AUTS2: variants seen among roughly 807,000 people sequenced by gnomAD.
AUTS2 encodes activator of transcription and developmental regulator AUTS2, also known as autism susceptibility gene 2 protein.
In AUTS2, 17 loss-of-function variants were observed where a neutral mutation model predicts 112.4. That is an observed-to-expected ratio of 0.15 (90% CI 0.10 to 0.23). The LOEUF is 0.23. Among genes scored for constraint, AUTS2 ranks in the 10% least tolerant of loss-of-function variants. AUTS2 has a pLI of 1.00. For synonymous variants in AUTS2, 751 were observed against 702.7 expected (o/e 1.07, Z -1.09); for missense variants, 1,510 against 1,701.6 (o/e 0.89, Z 1.98).
intron 1 of AUTS2, among the ~76,000 whole-genome samples, chr7:69,678,410 A>G (rs979345307): frequency 6.6e-6 from 1 of 152,150 alleles, no homozygotes; most frequent in East Asian, 1.9e-4. Context: ...AGCAGAATTT[A>G]TATTCTATTT....
rs551254195 is a variant in AUTS2, at chr7:70,278,123, G to A, written c.660+143552G>A. ...AGGTATACCTGTGCACATTACAGAC[G>A]TTTGTGGGTACTTTTATTTCATTAT... On this transcript the variant is annotated intron_variant, in intron 4 of 18. Coordinates refer to ENST00000342771, the MANE Select transcript of AUTS2 (RefSeq NM_015570.4). Among the ~76,000 whole-genome samples, 325 of 152,194 alleles carry A rather than the reference G, an allele frequency of 2.1e-3. 3 individuals are homozygous for A. Among genetic ancestry groups the A allele is most frequent in the Non-Finnish European group, 3.9e-3 (264 of 68,026 alleles).
rs368042458 is a variant in AUTS2, at chr7:70,431,616, C to T, written c.661-4136C>T. Among the ~76,000 whole-genome samples the T allele has an allele frequency of 1.7e-4, 26 of 152,286 alleles. No individual in the cohort carries two copies. In the South Asian group the frequency reaches 5.2e-3, roughly 30 times the overall value. ...GGTCAGGCTGGTCTCAAACTCCTGA[C>T]CTCATGATCCACCCGCCTTCAGCCT... On this transcript the variant is annotated intron_variant, in intron 4 of 18. Coordinates refer to ENST00000342771, the MANE Select transcript of AUTS2 (RefSeq NM_015570.4).
chr7:69,740,818 G>A (rs988407790), intron 1 of AUTS2, among the ~76,000 whole-genome samples: 2 of 152,168 alleles, frequency 1.3e-5, no homozygotes, highest in African/African-American at 4.8e-5. Flanking sequence ...CACTGCGCCC[G>A]GCCAGAAATG....
intron 1 of AUTS2, among the ~76,000 whole-genome samples, chr7:69,659,583 G>GTTTTTTTT (rs58289887): frequency 3.7e-4 from 30 of 81,266 alleles, no homozygotes; most frequent in South Asian, 5.2e-4. Context: ...AGGCTTAGTT[G>GTTTTTTTT]TTTTTTTTTT....
chr7:70,605,648 A>G (rs1803719273), intron 5 of AUTS2, among the ~76,000 whole-genome samples: 1 of 146,000 alleles, frequency 6.8e-6, no homozygotes, highest in African/African-American at 2.5e-5. Context: ...TCTAGTAAGT[A>G]GTGGAAAATC....
At chr7:69,656,586 G>A (rs1795551853) in intron 1 of AUTS2, among the ~76,000 whole-genome samples, 1 of 152,094 alleles carries the variant, frequency 6.6e-6, no homozygotes, top group Non-Finnish European at 1.5e-5. Flanking sequence ...CATAGCATGG[G>A]AATAAAAAGC....
intron 4 of AUTS2, among the ~76,000 whole-genome samples, chr7:70,428,276 T>G (rs17488553): frequency 0.096 from 14,563 of 152,216 alleles, 796 homozygotes; most frequent in Middle Eastern, 0.2. Flanking sequence ...TGTGGATTGA[T>G]GAAAAACAGA....
intron 5 of AUTS2, among the ~76,000 whole-genome samples, chr7:70,632,118 T>A (rs1805294149): frequency 1.3e-5 from 2 of 151,844 alleles, no homozygotes; most frequent in South Asian, 4.2e-4. Flanking sequence ...AATTAGATGG[T>A]CAGTACCCAC....
chr7:69,771,003 C>T (rs1162242942), intron 1 of AUTS2, among the ~76,000 whole-genome samples: 1 of 152,122 alleles, frequency 6.6e-6, no homozygotes, highest in African/African-American at 2.4e-5. Flanking sequence ...TGTGACTTCA[C>T]CCGCCAACTC....
At chr7:70,006,217 C>A (rs1799537985) in intron 2 of AUTS2, among the ~76,000 whole-genome samples, 1 of 152,112 alleles carries the variant, frequency 6.6e-6, no homozygotes, top group Non-Finnish European at 1.5e-5. Flanking sequence ...GTACATTTTT[C>A]TTGAAGGATA....
chr7:70,595,158 T>C (rs1012439412), intron 5 of AUTS2, among the ~76,000 whole-genome samples: 2 of 152,098 alleles, frequency 1.3e-5, no homozygotes, highest in Non-Finnish European at 2.9e-5. Flanking sequence ...AAGCTGGCAC[T>C]GCAGCAACCG....
intron 4 of AUTS2, among the ~76,000 whole-genome samples, chr7:70,248,915 TC>T (rs1252635833): frequency 6.6e-6 from 1 of 152,238 alleles, no homozygotes; most frequent in African/African-American, 2.4e-5. Flanking sequence ...CCACATATTT[TC>T]CCATGTTCTA....
In AUTS2 at chr7:70,456,312, C is replaced by G. The variant is rs201945868; in HGVS notation, c.690+20531C>G. ...ACTTTTACTTTACTTAAAGGGAACT[C>G]TTAAAGAGTGTTTACTTCATATCAT... On this transcript the variant is annotated intron_variant, in intron 5 of 18. Coordinates refer to ENST00000342771, the MANE Select transcript of AUTS2 (RefSeq NM_015570.4). Among the ~76,000 whole-genome samples the G allele has an allele frequency of 5.9e-5, 9 of 152,356 alleles. No homozygotes were observed. The East Asian group carries it at 1.7e-3, about 29-fold the overall frequency.
chr7:70,092,865 A>G (rs1488957577), intron 2 of AUTS2, among the ~76,000 whole-genome samples: 1 of 151,998 alleles, frequency 6.6e-6, no homozygotes, highest in Non-Finnish European at 1.5e-5. Flanking sequence ...CCCCCTCTCC[A>G]TGTCGGCAGA....
At chr7:70,619,208 G>T (rs1238833957) in intron 5 of AUTS2, among the ~76,000 whole-genome samples, 1 of 152,122 alleles carries the variant, frequency 6.6e-6, no homozygotes, top group Non-Finnish European at 1.5e-5. Context: ...CTATGAAATG[G>T]GGCTATCGAC....
intron 4 of AUTS2, among the ~76,000 whole-genome samples, chr7:70,262,421 G>A (rs778831828): frequency 4.6e-5 from 7 of 152,024 alleles, no homozygotes; most frequent in East Asian, 1.9e-4. Context: ...AACTCCTGAC[G>A]TCAAGTGATC....
chr7:70,032,253 G>T (rs544247697), intron 2 of AUTS2, among the ~76,000 whole-genome samples: 6 of 152,000 alleles, frequency 3.9e-5, no homozygotes, highest in Non-Finnish European at 8.8e-5. Context: ...TTCTAACTCC[G>T]CTGTATCATA....
At chr7:70,215,298 A>T (rs980979076) in intron 4 of AUTS2, among the ~76,000 whole-genome samples, 2 of 152,172 alleles carry the variant, frequency 1.3e-5, no homozygotes, top group African/African-American at 4.8e-5. Context: ...ATAAAAATAA[A>T]ACATAGATAC....
intron 14 of AUTS2, among the ~76,000 whole-genome samples, chr7:70,780,883 TAAAC>T (rs927058351): frequency 3.9e-4 from 60 of 152,342 alleles, no homozygotes; most frequent in Middle Eastern, 3.4e-3. Context: ...AAAGAGTCAT[TAAAC>T]AAACAATTAA....
Sources: gnomAD v4.1 joint callset for allele counts (sites outside exome capture counted in the v4.1 genomes callset) on GRCh38, gnomAD v4.1.1 for gene constraint, MANE v1.5 for transcripts, NCBI Gene and HGNC (gene_info 2026-07-23, HGNC 2026-07-21) for gene names.